The following STXBP5L variants were observed in gnomAD, a reference collection of about 807,000 sequenced individuals.
STXBP5L encodes syntaxin binding protein 5L, also known as syntaxin-binding protein 5-like.
In STXBP5L, 65 loss-of-function variants were observed where a neutral mutation model predicts 144.5. That is an observed-to-expected ratio of 0.45 (90% confidence interval 0.37 to 0.55). The LOEUF (loss-of-function observed/expected upper bound fraction) is 0.55. Ranked by LOEUF, STXBP5L falls within the 20% of genes least tolerant of loss-of-function variation. The probability of loss-of-function intolerance (pLI) is 0.00; values close to 1 mark genes in which losing one functional copy is unlikely to be tolerated. For synonymous variants in STXBP5L, 505 were observed against 469.6 expected, an observed-to-expected ratio of 1.08 and a Z score of -0.97; for missense variants, 1,298 against 1,405.5, an observed-to-expected ratio of 0.92 and a Z score of 1.22.
intron 3 of STXBP5L, among the ~76,000 whole-genome samples, chr3:120,960,283 A>G (rs1938604798): frequency 6.6e-6 from 1 of 152,178 alleles, no homozygotes; most frequent in Non-Finnish European, 1.5e-5. Context: ...GGATGTGGAG[A>G]AATAGGAACA....
At chr3:121,215,492 T>C (rs888479184) in intron 10 of STXBP5L, among the ~76,000 whole-genome samples, 1 of 152,154 alleles carries the variant, frequency 6.6e-6, no homozygotes, top group Non-Finnish European at 1.5e-5. Flanking sequence ...GAAATTCTGG[T>C]TTGAAAATTC....
At chr3:121,070,558 C>T (rs992479981) in intron 5 of STXBP5L, among the ~76,000 whole-genome samples, 1 of 151,818 alleles carries the variant, frequency 6.6e-6, no homozygotes, top group Non-Finnish European at 1.5e-5. Context: ...TTTTGGTGCT[C>T]GACACAAATG....
intron 7 of STXBP5L, among the ~76,000 whole-genome samples, chr3:121,139,723 G>T (rs2045413943): frequency 6.6e-6 from 1 of 151,994 alleles, no homozygotes; most frequent in Admixed American, 6.6e-5. Context: ...CAACCAGTCA[G>T]GATTAATTCT....
intron 23 of STXBP5L, among the ~76,000 whole-genome samples, chr3:121,412,746 A>C (rs532229348): frequency 5.3e-4 from 78 of 148,268 alleles, no homozygotes; most frequent in African/African-American, 1.9e-3. Flanking sequence ...AAAAAAAAAA[A>C]AAACAAAAGA....
chr3:121,085,547 G>A (rs565116726), intron 5 of STXBP5L, among the ~76,000 whole-genome samples: 1 of 152,214 alleles, frequency 6.6e-6, no homozygotes, highest in African/African-American at 2.4e-5. Flanking sequence ...CAAACAGAGA[G>A]CCAAATCATG....
chr3:121,105,032 G>T (rs115076175), intron 5 of STXBP5L, among the ~76,000 whole-genome samples: 5,410 of 151,980 alleles, frequency 0.036, 146 homozygotes, highest in Middle Eastern at 0.082. Flanking sequence ...AAACAAATCA[G>T]CAAGAAAAAA....
At position 121,040,139 on chromosome 3, in the gene STXBP5L, A is replaced by AT. The variant is rs1019501984; in HGVS notation, c.288-1554dup. Reference sequence around the variant, plus strand: ...GATATTTCTCCTTGTTACAAGTTATATTTTTTTACTTCTCTGCAGTGAATG... The same window carrying AT: ...GATATTTCTCCTTGTTACAAGTTATATTTTTTTTACTTCTCTGCAGTGAATG... On this transcript the variant is annotated intron_variant, in intron 3 of 26. Coordinates refer to ENST00000471454, the MANE Select transcript of STXBP5L (RefSeq NM_001308330.2). Among the ~76,000 whole-genome samples, 24 of 151,794 alleles carry AT rather than the reference A, an allele frequency of 1.6e-4. 1 individual carries two copies. Among genetic ancestry groups the AT allele is most frequent in the African/African-American group, 2.2e-4 (9 of 41,432 alleles).
chr3:121,066,153 T>C (rs2041532824), intron 5 of STXBP5L, among the ~76,000 whole-genome samples: 1 of 152,146 alleles, frequency 6.6e-6, no homozygotes, highest in South Asian at 2.1e-4. Context: ...GTGGGACTCA[T>C]GGAAACTACC....
chr3:121,000,690 C>T (rs527807673), intron 3 of STXBP5L, among the ~76,000 whole-genome samples: 52 of 152,268 alleles, frequency 3.4e-4, no homozygotes, highest in African/African-American at 1.2e-3. Flanking sequence ...GAAGGCACTC[C>T]GGATTTTACA....
At chr3:120,981,540 T>A (rs906676721) in intron 3 of STXBP5L, among the ~76,000 whole-genome samples, 1 of 152,268 alleles carries the variant, frequency 6.6e-6, no homozygotes, top group Admixed American at 6.5e-5. Context: ...AGTTCTTTTT[T>A]AAAAAATAAT....
At chr3:121,256,839 T>G (rs1049950194) in intron 16 of STXBP5L, among the ~76,000 whole-genome samples, 3 of 151,418 alleles carry the variant, frequency 2.0e-5, no homozygotes, top group Non-Finnish European at 4.4e-5. Flanking sequence ...AAATTGTAAT[T>G]TATACTATAT....
intron 18 of STXBP5L, among the ~76,000 whole-genome samples, chr3:121,262,382 C>G (rs961883266): frequency 6.6e-6 from 1 of 152,216 alleles, no homozygotes; most frequent in Non-Finnish European, 1.5e-5. Context: ...GTAATCCCAG[C>G]ACTTCGGGAG....
intron 5 of STXBP5L, among the ~76,000 whole-genome samples, chr3:121,091,046 G>C (rs1009478523): frequency 8.7e-5 from 13 of 149,846 alleles, no homozygotes; most frequent in Admixed American, 6.8e-4. Flanking sequence ...TTTTGTTCTT[G>C]TGATAGTTTA....
chr3:121,074,387 T>A (rs2041934686), intron 5 of STXBP5L, among the ~76,000 whole-genome samples: 1 of 152,182 alleles, frequency 6.6e-6, no homozygotes, highest in Non-Finnish European at 1.5e-5. Context: ...TGGAGGGCTT[T>A]AACACCGGTA....
At chr3:121,069,620 A>G (rs185353104) in intron 5 of STXBP5L, among the ~76,000 whole-genome samples, 39 of 151,906 alleles carry the variant, frequency 2.6e-4, no homozygotes, top group Admixed American at 1.7e-3. Flanking sequence ...TATGTAGGAG[A>G]TCTAGTTTCT....
chr3:121,330,956 G>A (rs2044303008), intron 20 of STXBP5L, among the ~76,000 whole-genome samples: 1 of 152,192 alleles, frequency 6.6e-6, no homozygotes, highest in Admixed American at 6.5e-5. Context: ...CTGCTGCTGG[G>A]AGACTTGAGG....
At chr3:121,313,768 C>T (rs936949916) in intron 19 of STXBP5L, among the ~76,000 whole-genome samples, 3 of 138,202 alleles carry the variant, frequency 2.2e-5, no homozygotes, top group Admixed American at 1.4e-4. Context: ...GACGGGGTGG[C>T]TGCCGGGCGG....
chr3:121,095,556 C>T (rs948367204), intron 5 of STXBP5L, among the ~76,000 whole-genome samples: 1 of 152,160 alleles, frequency 6.6e-6, no homozygotes, highest in Non-Finnish European at 1.5e-5. Context: ...TCACTGATAA[C>T]CTTTCTTCCA....
At chr3:121,228,319 G>A (rs2049187134) in intron 11 of STXBP5L, among the ~76,000 whole-genome samples, 1 of 152,140 alleles carries the variant, frequency 6.6e-6, no homozygotes, top group Non-Finnish European at 1.5e-5. Context: ...CAAGGAATAT[G>A]TGGTTCTTAG....
Sources: gnomAD v4.1 joint callset for allele counts (sites outside exome capture counted in the v4.1 genomes callset) on GRCh38, gnomAD v4.1.1 for gene constraint, MANE v1.5 for transcripts, NCBI Gene and HGNC (gene_info 2026-07-23, HGNC 2026-07-21) for gene names.